VWC2: variants seen among roughly 807,000 people sequenced by gnomAD.
The protein encoded by VWC2 is brorin.
A neutral mutation model predicts 29.8 loss-of-function variants in VWC2; 14 were observed. The ratio of observed to expected loss-of-function variants is 0.47; its 90% CI spans 0.31 to 0.74. The LOEUF (loss-of-function observed/expected upper bound fraction) is 0.74. Among genes scored for constraint, VWC2 ranks in the 30% least tolerant of loss-of-function variants. The pLI, the probability that VWC2 is intolerant of heterozygous loss-of-function variation, is 0.05. For missense variants in VWC2, 457 were observed against 459.8 expected (o/e 0.99, Z 0.05); for synonymous variants, 213 against 199.0 (o/e 1.07, Z -0.59).
At chr7:49,879,741 G>T (rs1009049073) in intron 3 of VWC2, among the ~76,000 whole-genome samples, 3 of 150,106 alleles carry the variant, frequency 2.0e-5, no homozygotes, top group African/African-American at 7.6e-5. Flanking sequence ...TCTTTCCATG[G>T]TTATTTTTTT....
chr7:49,824,217 G>C (rs1789338201), intron 3 of VWC2, among the ~76,000 whole-genome samples: 1 of 152,116 alleles, frequency 6.6e-6, no homozygotes, highest in Non-Finnish European at 1.5e-5. Context: ...TCTTCCAGAA[G>C]TTTGTAATTT....
chr7:49,808,400 T>G (rs1209671594), intron 3 of VWC2, among the ~76,000 whole-genome samples: 1 of 152,036 alleles, frequency 6.6e-6, no homozygotes, highest in Non-Finnish European at 1.5e-5. Context: ...TTGATAGAAT[T>G]CAAAGGAGAA....
At chr7:49,859,788 GTGCACACACA>G (rs1232822588) in intron 3 of VWC2, among the ~76,000 whole-genome samples, 5,332 of 148,476 alleles carry the variant, frequency 0.036, 103 homozygotes, top group Middle Eastern at 0.051. Flanking sequence ...GTGCGCGTGC[GTGCACACACA>G]CACACACACA....
chr7:49,777,439 G>C (rs1232957665), intron 2 of VWC2, among the ~76,000 whole-genome samples: 1 of 152,030 alleles, frequency 6.6e-6, no homozygotes, highest in Non-Finnish European at 1.5e-5. Flanking sequence ...TTAGAGTCAG[G>C]AAACATGGTT....
chr7:49,832,575 G>A (rs1004755715), intron 3 of VWC2, among the ~76,000 whole-genome samples: 6 of 152,214 alleles, frequency 3.9e-5, no homozygotes, highest in African/African-American at 1.4e-4. Flanking sequence ...CTTCCTTATT[G>A]TGCTGAACCA....
intron 3 of VWC2, among the ~76,000 whole-genome samples, chr7:49,871,932 C>G (rs1791170924): frequency 7.5e-6 from 1 of 134,016 alleles, no homozygotes; most frequent in South Asian, 2.8e-4. Context: ...CACACACACA[C>G]ACACACACAC....
At chr7:49,816,638 A>G (rs1288597650) in intron 3 of VWC2, among the ~76,000 whole-genome samples, 2 of 152,212 alleles carry the variant, frequency 1.3e-5, no homozygotes, top group Non-Finnish European at 2.9e-5. Flanking sequence ...CACTTACCAG[A>G]TGATTTACTG....
intron 2 of VWC2, among the ~76,000 whole-genome samples, chr7:49,795,794 C>T (rs891300024): frequency 6.6e-6 from 1 of 152,118 alleles, no homozygotes; most frequent in Non-Finnish European, 1.5e-5. Flanking sequence ...TTGCACTGGC[C>T]CAGTTACTGT....
intron 3 of VWC2, among the ~76,000 whole-genome samples, chr7:49,822,274 G>C (rs938184437): frequency 6.6e-6 from 1 of 151,962 alleles, no homozygotes; most frequent in Non-Finnish European, 1.5e-5. Flanking sequence ...TATCAATCAC[G>C]TAGTGTTTTT....
At chr7:49,866,592 C>G (rs920392402) in intron 3 of VWC2, among the ~76,000 whole-genome samples, 2 of 152,160 alleles carry the variant, frequency 1.3e-5, no homozygotes, top group Non-Finnish European at 2.9e-5. Flanking sequence ...AGACGGAAAA[C>G]AGCCTCCTTC....
At chr7:49,783,890 AAAT>A in intron 2 of VWC2, among the ~76,000 whole-genome samples, 1 of 151,936 alleles carries the variant, frequency 6.6e-6, no homozygotes, top group African/African-American at 2.4e-5. Flanking sequence ...TCTCTAAAAA[AAAT>A]AATAATAATA....
At position 49,775,836 on chromosome 7, in the gene VWC2, A is replaced by G; in HGVS notation, c.401A>G (p.Glu134Gly). The G allele has an allele frequency of 6.5e-7, 1 of 1,549,290 alleles. No individual in the cohort carries two copies. The highest frequency in any genetic ancestry group is 8.7e-7 in the Non-Finnish European group (1 of 1,147,436). The change falls in exon 2 of 4, where the codon GAA becomes GGA. Residue 134 changes from glutamate to glycine, a missense_variant. Physicochemically the swap from Glu to Gly is moderately conservative, Grantham distance 98 (BLOSUM62 -2). This residue lies in a region of VWC2 where 272 missense variants were observed against 202.7 expected (regional missense o/e 1.34). Coordinates refer to ENST00000340652, the MANE Select transcript of VWC2 (RefSeq NM_198570.5). ...GCCGCCCAGGACGCGATTGGCCCGG[A>G]ACTCGCGCCCACGCCCGAGCCACCC... is the stretch of plus-strand genomic sequence containing the variant. ...AAAAQDAIGP[E>G]LAPTPEPPEE...
rs1404914942 is a variant in VWC2 at position 49,775,833 on chromosome 7, C to G, written c.398C>G (p.Pro133Arg). ...GCAGCCGCCCAGGACGCGATTGGCC[C>G]GGAACTCGCGCCCACGCCCGAGCCA... is the stretch of plus-strand genomic sequence containing the variant. ...LAAAAQDAIG[P>R]ELAPTPEPPE... The change falls in exon 2 of 4, where the codon CCG (proline) becomes CGG (arginine). Residue 133 changes from proline (P) to arginine (R), a missense_variant. Transcript: ENST00000340652. 5.8e-6 allele frequency: 9 copies of G among 1,548,346 alleles called. No homozygotes were observed. The highest frequency in any genetic ancestry group is 7.8e-6 in the Non-Finnish European group (9 of 1,147,026).
chr7:49,776,505 G>T (rs772876117), intron 2 of VWC2, among the ~76,000 whole-genome samples: 2 of 152,166 alleles, frequency 1.3e-5, no homozygotes, highest in Non-Finnish European at 2.9e-5. Flanking sequence ...GTAATTTACG[G>T]TACCATTTGG....
intron 3 of VWC2, among the ~76,000 whole-genome samples, chr7:49,806,097 C>T (rs76116280): frequency 0.036 from 5,355 of 149,660 alleles, 335 homozygotes; most frequent in African/African-American, 0.12. Context: ...TTTTAAATTC[C>T]ACCCCCCCAC....
At chr7:49,863,156 T>C (rs1482932255) in intron 3 of VWC2, among the ~76,000 whole-genome samples, 1 of 152,198 alleles carries the variant, frequency 6.6e-6, no homozygotes, top group East Asian at 1.9e-4. Flanking sequence ...GTTATAGGTG[T>C]TTTGTTATTT....
In VWC2 at chr7:49,806,552, T is replaced by C. The variant is rs1788882821; in HGVS notation, c.826+3712T>C. The stretch of plus-strand genomic sequence containing the variant: ...GAAAGTGAAAAACATTTATGACACT[T>C]TAAAGATAAACACTGAGACGTCAAA... On this transcript the variant is annotated intron_variant, in intron 3 of 3. Coordinates refer to ENST00000340652, the MANE Select transcript of VWC2 (RefSeq NM_198570.5). Among the ~76,000 whole-genome samples the C allele has an allele frequency of 3.3e-5, 5 of 152,298 alleles. 1 individual carries two copies. The South Asian group carries it at 1.0e-3, about 32-fold the overall frequency.
chr7:49,806,543 T>C (rs965868899), intron 3 of VWC2, among the ~76,000 whole-genome samples: 4 of 152,218 alleles, frequency 2.6e-5, no homozygotes, highest in African/African-American at 9.6e-5. Context: ...GAAAAACATT[T>C]ATGACACTTT....
intron 3 of VWC2, among the ~76,000 whole-genome samples, chr7:49,910,367 T>G (rs1793343508): frequency 1.3e-5 from 2 of 152,234 alleles, no homozygotes; most frequent in African/African-American, 4.8e-5. Context: ...CTTTGATGAC[T>G]TCACACGCTA....
Sources: gnomAD v4.1 joint callset for allele counts (sites outside exome capture counted in the v4.1 genomes callset) on GRCh38, gnomAD v4.1.1 for gene constraint, gnomAD v4.1.1 regional missense constraint, MANE v1.5 for transcripts, NCBI Gene and HGNC (gene_info 2026-07-23, HGNC 2026-07-21) for gene names.